HS6ST2: variants seen among roughly 807,000 people sequenced by gnomAD.
HS6ST2 encodes the protein heparan sulfate 6-O-sulfotransferase 2, also known as heparan-sulfate 6-O-sulfotransferase 2.
Under a neutral mutation model 33.0 loss-of-function variants are expected in HS6ST2, and 17 were observed. That is an observed-to-expected ratio of 0.52 (90% CI 0.35 to 0.77). HS6ST2 has a LOEUF of 0.77. Ranked by LOEUF, HS6ST2 falls within the 30% of genes least tolerant of loss-of-function variation. The probability of loss-of-function intolerance (pLI) is 0.01; values close to 1 mark genes in which losing one functional copy is unlikely to be tolerated. For missense variants in HS6ST2, 519 were observed against 551.7 expected (o/e 0.94, Z 0.59); for synonymous variants, 248 against 237.1 (o/e 1.05, Z -0.42).
intron 4 of HS6ST2, among the ~76,000 whole-genome samples, chrX:132,635,619 G>C (rs1220637957): frequency 9.0e-6 from 1 of 110,830 alleles, no homozygotes; most frequent in African/African-American, 3.3e-5. Context: ...CCCCAACTCT[G>C]GGCCACTTGG....
intron 2 of HS6ST2, among the ~76,000 whole-genome samples, chrX:132,806,314 C>T (rs765497940): frequency 1.3e-3 from 146 of 110,336 alleles, no homozygotes; most frequent in African/African-American, 4.2e-3. Context: ...GCCACAAAAG[C>T]CTCATCTCAT....
At chrX:132,892,225 G>A (rs919881098) in intron 2 of HS6ST2, among the ~76,000 whole-genome samples, 1 of 112,173 alleles carries the variant, frequency 8.9e-6, no homozygotes, top group African/African-American at 3.2e-5. Flanking sequence ...ATTTTCAACA[G>A]TATTTTTGTT....
chrX:132,731,830 G>A (rs768317534), intron 2 of HS6ST2, among the ~76,000 whole-genome samples: 24 of 109,175 alleles, frequency 2.2e-4, no homozygotes, highest in Non-Finnish European at 4.0e-4. Flanking sequence ...CTGGGTGACA[G>A]AGTGAGACTC....
chrX:132,821,252 G>A (rs1437598740), intron 2 of HS6ST2, among the ~76,000 whole-genome samples: 24 of 86,268 alleles, frequency 2.8e-4, no homozygotes, highest in African/African-American at 8.8e-4. Flanking sequence ...TCTCTCTGTC[G>A]CCCAGGCTGG....
At chrX:132,820,547 A>G (rs1010294759) in intron 2 of HS6ST2, among the ~76,000 whole-genome samples, 3 of 111,872 alleles carry the variant, frequency 2.7e-5, no homozygotes, top group Non-Finnish European at 3.8e-5. Flanking sequence ...GAAAGTACAG[A>G]CAGCAGGCTG....
At chrX:132,792,607 T>C (rs748466382) in intron 2 of HS6ST2, among the ~76,000 whole-genome samples, 1 of 112,097 alleles carries the variant, frequency 8.9e-6, no homozygotes, top group East Asian at 2.8e-4. Context: ...TTTAAGAACA[T>C]TTTTAACACC....
In HS6ST2 at chrX:132,686,810, C is replaced by T. The variant is rs996094066; in HGVS notation, c.981-17611G>A. Among the ~76,000 whole-genome samples the T allele has an allele frequency of 2.1e-4, 23 of 111,725 alleles. No individual in the cohort carries two copies. In the Admixed American group the frequency reaches 2.2e-3, roughly 11 times the overall value. The stretch of plus-strand genomic sequence containing the variant: ...GATTCTGGTGCTATACTCATTATGG[C>T]AGTATAGGCCTTATTGTATAAGTTC... On this transcript the variant is annotated intron_variant, in intron 3 of 4. Coordinates refer to ENST00000370833, the MANE Select transcript of HS6ST2 (RefSeq NM_001394073.1).
intron 4 of HS6ST2, among the ~76,000 whole-genome samples, chrX:132,665,496 C>G (rs1413041270): frequency 9.0e-6 from 1 of 111,603 alleles, no homozygotes; most frequent in Non-Finnish European, 1.9e-5. Context: ...TGTTCCAATA[C>G]CAAATGAACA....
chrX:132,714,489 T>A (rs780129594), intron 2 of HS6ST2, among the ~76,000 whole-genome samples: 16 of 110,705 alleles, frequency 1.4e-4, no homozygotes, highest in African/African-American at 5.3e-4. Flanking sequence ...ATTTTTTGTA[T>A]TTTTAGTAGA....
intron 2 of HS6ST2, among the ~76,000 whole-genome samples, chrX:132,878,077 AG>A (rs2066125926): frequency 8.9e-6 from 1 of 112,327 alleles, no homozygotes; most frequent in African/African-American, 3.2e-5. Flanking sequence ...CTACTGATGC[AG>A]GAGTTTCTGC....
Position 132,773,736 on chromosome X carries a change from T to A in HS6ST2, c.948-65242A>T, listed in dbSNP as rs901010543. Among the ~76,000 whole-genome samples the A allele has an allele frequency of 3.6e-5, 4 of 112,036 alleles. No homozygotes were observed. In the East Asian group the frequency reaches 1.1e-3, roughly 31 times the overall value. ...AAAAAGCCAGACACAAAAGATCACA[T>A]AGTGTGTGATTCTGTTTACATGAAA... is the stretch of plus-strand genomic sequence containing the variant. On this transcript the variant is annotated intron_variant, in intron 2 of 4. Coordinates refer to ENST00000370833, the MANE Select transcript of HS6ST2 (RefSeq NM_001394073.1).
chrX:132,922,430 A>G (rs1468479448), intron 2 of HS6ST2, among the ~76,000 whole-genome samples: 2 of 112,039 alleles, frequency 1.8e-5, no homozygotes, highest in African/African-American at 6.5e-5. Flanking sequence ...TTCAAATGCA[A>G]CTCATTACCA....
intron 4 of HS6ST2, among the ~76,000 whole-genome samples, chrX:132,658,262 C>T (rs1001487637): frequency 1.1e-4 from 12 of 111,315 alleles, no homozygotes; most frequent in Admixed American, 7.6e-4. Flanking sequence ...CCTGAATCAA[C>T]GTCATGGAGT....
chrX:132,927,898 GAGAA>G (rs1344621667), intron 2 of HS6ST2, among the ~76,000 whole-genome samples: 1 of 107,611 alleles, frequency 9.3e-6, no homozygotes, highest in Non-Finnish European at 1.9e-5. Flanking sequence ...AAAAGAAAAA[GAGAA>G]AGAAATGCCA....
chrX:132,725,807 T>C (rs111601414), intron 2 of HS6ST2, among the ~76,000 whole-genome samples: 2 of 112,014 alleles, frequency 1.8e-5, no homozygotes, highest in African/African-American at 3.2e-5. Context: ...GTGGTACTTA[T>C]ATACAATGGA....
intron 3 of HS6ST2, among the ~76,000 whole-genome samples, chrX:132,702,681 A>G (rs2064154645): frequency 8.9e-6 from 1 of 112,004 alleles, no homozygotes; most frequent in Admixed American, 9.4e-5. Context: ...GCCTTCTCTG[A>G]TCACTCTCCA....
At chrX:132,870,107 T>C (rs1194387103) in intron 2 of HS6ST2, among the ~76,000 whole-genome samples, 1 of 110,487 alleles carries the variant, frequency 9.1e-6, no homozygotes, top group African/African-American at 3.3e-5. Flanking sequence ...ATCACAAGCA[T>C]TCCTATACAC....
chrX:132,661,530 T>G (rs1328510547), intron 4 of HS6ST2, among the ~76,000 whole-genome samples: 1 of 111,570 alleles, frequency 9.0e-6, no homozygotes, highest in Admixed American at 9.6e-5. Flanking sequence ...AAAACACTGA[T>G]GAGTGAAATT....
chrX:132,810,697 G>A (rs1295889050), intron 2 of HS6ST2, among the ~76,000 whole-genome samples: 1 of 111,569 alleles, frequency 9.0e-6, no homozygotes, highest in African/African-American at 3.3e-5. Context: ...GAGCTCATGT[G>A]CATTTCTTCT....
Sources: gnomAD v4.1 joint callset for allele counts (sites outside exome capture counted in the v4.1 genomes callset) on GRCh38, gnomAD v4.1.1 for gene constraint, MANE v1.5 for transcripts, NCBI Gene and HGNC (gene_info 2026-07-23, HGNC 2026-07-21) for gene names.